The following CNBD2 variants were observed in gnomAD, a reference collection of about 807,000 sequenced individuals.
CNBD2 encodes the protein cyclic nucleotide binding domain containing 2, also known as cyclic nucleotide-binding domain-containing protein 2.
A neutral mutation model predicts 63.7 loss-of-function variants in CNBD2; 64 were observed. That is an observed-to-expected ratio of 1.00 (90% CI 0.82 to 1.24). The LOEUF is 1.24. Among genes scored for constraint, CNBD2 ranks in the 50% most tolerant of loss-of-function variants. The pLI is 0.00. For missense variants in CNBD2, 691 were observed against 713.5 expected (o/e 0.97, Z 0.36); for synonymous variants, 229 against 255.4 (o/e 0.90, Z 0.99).
chr20:35,999,373 C>A (rs988312371), intron 8 of CNBD2, among the ~76,000 whole-genome samples: 3 of 152,004 alleles, frequency 2.0e-5, no homozygotes, highest in Non-Finnish European at 4.4e-5. Context: ...TTCCCTTTTT[C>A]TTCTGTTTTT....
chr20:36,007,218 A>AAATAAAT (rs1437637680), intron 8 of CNBD2, among the ~76,000 whole-genome samples: 14 of 152,180 alleles, frequency 9.2e-5, no homozygotes, highest in African/African-American at 3.1e-4. Context: ...ATAAATAAAT[A>AAATAAAT]AGATCATACA....
At chr20:35,976,451 C>G (rs1047791777) in intron 3 of CNBD2, among the ~76,000 whole-genome samples, 1 of 152,134 alleles carries the variant, frequency 6.6e-6, no homozygotes, top group Non-Finnish European at 1.5e-5. Flanking sequence ...CTTAAAGAGT[C>G]TTATTCAGGT....
Position 36,023,735 on chromosome 20 carries a change from TA to T in CNBD2, c.1409del (p.Lys470SerfsTer3). On this transcript the variant is annotated frameshift_variant, in exon 11 of 12. Transcript: ENST00000373973. LOFTEE classifies it low-confidence loss of function (END_TRUNC). ...YELIDNDDEM[I>X]KKLLKLNIAF... ...CTGATTGACAATGATGACGAGATGA[TA>T]AAAAAGTTGTTAAAGCTCAATATTG... 6.2e-7 allele frequency: 1 copy of T among 1,613,332 alleles called. No individual in the cohort carries two copies. The highest frequency in any genetic ancestry group is 8.5e-7 in the Non-Finnish European group (1 of 1,179,730).
intron 10 of CNBD2, among the ~76,000 whole-genome samples, chr20:36,016,895 C>T (rs1025936519): frequency 7.0e-5 from 9 of 129,142 alleles, no homozygotes; most frequent in African/African-American, 2.6e-4. Context: ...CCTGTCTCTA[C>T]AAAAAATTAA....
intron 6 of CNBD2, 52 bp downstream of exon 6, chr20:35,984,830 C>T (rs1489052531): frequency 2.5e-6 from 4 of 1,584,640 alleles, no homozygotes; most frequent in Non-Finnish European, 3.5e-6. Context: ...TTATTAGCTG[C>T]CTGACTTTGT....
At chr20:36,003,754 T>TAGTTTGGTGCTTCTGACTCA (rs1176198631) in intron 8 of CNBD2, among the ~76,000 whole-genome samples, 4 of 152,058 alleles carry the variant, frequency 2.6e-5, no homozygotes, top group Non-Finnish European at 5.9e-5. Flanking sequence ...GGGCACAGCT[T>TAGTTTGGTGCTTCTGACTCA]AGTTTGGTGC....
intron 8 of CNBD2, among the ~76,000 whole-genome samples, chr20:35,996,988 T>G (rs2056833954): frequency 6.6e-6 from 1 of 152,210 alleles, no homozygotes; most frequent in African/African-American, 2.4e-5. Flanking sequence ...CTCCATTTCC[T>G]GTTGTTGGAC....
chr20:35,993,943 T>C (rs1405970198), intron 7 of CNBD2, among the ~76,000 whole-genome samples: 1 of 150,756 alleles, frequency 6.6e-6, no homozygotes, highest in Non-Finnish European at 1.5e-5. Context: ...GGCATGATCT[T>C]GGCTCATGGC....
At chr20:35,992,077 C>T (rs2056754060) in intron 7 of CNBD2, among the ~76,000 whole-genome samples, 1 of 152,122 alleles carries the variant, frequency 6.6e-6, no homozygotes, top group South Asian at 2.1e-4. Flanking sequence ...GATGGGATTT[C>T]ACCATGTTGG....
chr20:36,009,934 G>A (rs1386202578), intron 9 of CNBD2, among the ~76,000 whole-genome samples: 3 of 151,998 alleles, frequency 2.0e-5, no homozygotes, highest in Non-Finnish European at 2.9e-5. Context: ...CATTTTTCAG[G>A]TGAGAAAACC....
intron 1 of CNBD2, 57 bp from the exon 2 acceptor site, chr20:35,972,572 C>T (rs2056434999): frequency 5.1e-6 from 8 of 1,553,970 alleles, no homozygotes; most frequent in Non-Finnish European, 6.2e-6. Context: ...ATCCAGCCTG[C>T]TGTTGACTGT....
upstream of CNBD2, among the ~76,000 whole-genome samples, chr20:35,963,606 A>T (rs1054860004): frequency 3.4e-4 from 51 of 152,082 alleles, no homozygotes; most frequent in African/African-American, 1.2e-3. Context: ...GTGCCACTGC[A>T]CTCCAGCCTG....
At chr20:35,988,025 A>C (rs935079594) in intron 7 of CNBD2, among the ~76,000 whole-genome samples, 13 of 152,050 alleles carry the variant, frequency 8.5e-5, no homozygotes, top group African/African-American at 3.1e-4. Context: ...GCCTGCCACC[A>C]TGCCCGGCTA....
upstream of CNBD2, among the ~76,000 whole-genome samples, chr20:35,964,647 A>T (rs1253538505): frequency 2.0e-5 from 3 of 151,178 alleles, no homozygotes; most frequent in African/African-American, 7.3e-5. Flanking sequence ...CACCCACCTC[A>T]GCCTCCCAAA....
exon 1 of CNBD2, chr20:35,955,301 A>G (rs2056243324): frequency 6.6e-6 from 1 of 152,294 alleles, no homozygotes; most frequent in Non-Finnish European, 1.5e-5. Flanking sequence ...ATACTTTTTA[A>G]TACTGATTAC....
chr20:35,996,121 T>A (rs1204867890), intron 8 of CNBD2, among the ~76,000 whole-genome samples: 1 of 152,202 alleles, frequency 6.6e-6, no homozygotes, highest in East Asian at 1.9e-4. Flanking sequence ...TCTAGTACCC[T>A]TCAAGTACCA....
At chr20:35,971,388 C>T (rs2056415735) in intron 1 of CNBD2, among the ~76,000 whole-genome samples, 1 of 152,122 alleles carries the variant, frequency 6.6e-6, no homozygotes, top group South Asian at 2.1e-4. Context: ...CACTGATTTC[C>T]TAATATTATC....
Position 35,985,418 on chromosome 20 carries a change from G to A in CNBD2, c.716+640G>A, listed in dbSNP as rs536076993. ...TGGTCTCAAGTGATCCTGCCACTTT[G>A]GCCTCCTAAAGTGCTGGGATTACAG... On this transcript the variant is annotated intron_variant, in intron 6 of 11. Transcript: ENST00000373973. Among the ~76,000 whole-genome samples the A allele has an allele frequency of 3.0e-4, 45 of 151,896 alleles. No homozygotes were observed. The South Asian group carries it at 9.4e-3, about 32-fold the overall frequency.
At chr20:36,021,653 C>T (rs1568928638) in intron 10 of CNBD2, among the ~76,000 whole-genome samples, 1 of 152,140 alleles carries the variant, frequency 6.6e-6, no homozygotes, top group South Asian at 2.1e-4. Context: ...CCGTTCCTGC[C>T]CCTGCCCCTC....
Sources: allele counts gnomAD v4.1 joint callset (sites outside exome capture counted in the v4.1 genomes callset), GRCh38; gene constraint gnomAD v4.1.1; transcripts MANE v1.5; gene names NCBI Gene and HGNC (gene_info 2026-07-23, HGNC 2026-07-21).